Variants in ANO10 observed in about 807,000 individuals in gnomAD.
The protein encoded by ANO10 is anoctamin-10.
In ANO10, 77 loss-of-function variants were observed where a neutral mutation model predicts 74.7. That is an observed-to-expected ratio of 1.03 (90% CI 0.86 to 1.25). The LOEUF (loss-of-function observed/expected upper bound fraction) is 1.25, where lower values mean the gene tolerates loss of function less well. ANO10 is among the 50% of genes most tolerant of loss of function. The pLI, the probability that ANO10 is intolerant of heterozygous loss-of-function variation, is 0.00. For synonymous variants in ANO10, 279 were observed against 284.9 expected (o/e 0.98, Z 0.21); for missense variants, 721 against 778.1 (o/e 0.93, Z 0.87).
At chr3:43,488,718 G>A (rs2149109374) in intron 11 of ANO10, among the ~76,000 whole-genome samples, 1 of 151,954 alleles carries the variant, frequency 6.6e-6, no homozygotes, top group East Asian at 1.9e-4. Flanking sequence ...TTACACTGTT[G>A]GTGGGACTGT....
chr3:43,458,185 A>G (rs922355459), intron 11 of ANO10, among the ~76,000 whole-genome samples: 1 of 152,218 alleles, frequency 6.6e-6, no homozygotes, highest in Non-Finnish European at 1.5e-5. Context: ...AAAAATTATT[A>G]AAACCCTGAA....
intron 11 of ANO10, among the ~76,000 whole-genome samples, chr3:43,529,568 C>T (rs2078365399): frequency 6.6e-6 from 1 of 151,860 alleles, no homozygotes; most frequent in African/African-American, 2.4e-5. Context: ...TGGCAAGCAA[C>T]AAAAAGATTT....
At chr3:43,642,845 A>T (rs1276959297) in intron 1 of ANO10, among the ~76,000 whole-genome samples, 1 of 144,300 alleles carries the variant, frequency 6.9e-6, no homozygotes, top group Non-Finnish European at 1.5e-5. Context: ...ATTCACAGAC[A>T]TTTTTTTTTT....
At chr3:43,620,376 A>C (rs79496202) in intron 1 of ANO10, among the ~76,000 whole-genome samples, 1 of 152,228 alleles carries the variant, frequency 6.6e-6, no homozygotes, top group Admixed American at 6.5e-5. Flanking sequence ...TCATATACAC[A>C]AAAATACAAA....
At chr3:43,565,806 A>C in intron 7 of ANO10, 79 bp from the exon 8 acceptor site, 2 of 1,468,148 alleles carry the variant, frequency 1.4e-6, no homozygotes, top group Non-Finnish European at 1.9e-6. Context: ...TGCAGCATTT[A>C]AAAATGTAAT....
chr3:43,580,267 GC>G, intron 5 of ANO10, 85 bp downstream of exon 5: 1 of 1,570,416 alleles, frequency 6.4e-7, no homozygotes, highest in Non-Finnish European at 8.7e-7. Context: ...CTAAATATCT[GC>G]CCAAGGGAGC....
intron 11 of ANO10, among the ~76,000 whole-genome samples, chr3:43,442,500 T>C (rs180694757): frequency 4.8e-4 from 73 of 152,326 alleles, no homozygotes; most frequent in African/African-American, 1.7e-3. Flanking sequence ...GAAAAGCGTG[T>C]ACACTGAGAC....
intron 1 of ANO10, among the ~76,000 whole-genome samples, chr3:43,667,679 G>A (rs191365053): frequency 1.3e-5 from 2 of 152,224 alleles, no homozygotes; most frequent in Admixed American, 6.5e-5. Flanking sequence ...ACTTATAAAT[G>A]AGAACATATG....
chr3:43,464,055 C>T (rs570271646), intron 11 of ANO10, among the ~76,000 whole-genome samples: 17 of 152,286 alleles, frequency 1.1e-4, no homozygotes, highest in South Asian at 6.2e-4. Context: ...CCTCGCCTTC[C>T]GCCATGATCA....
At chr3:43,540,215 A>C (rs552542631) in intron 11 of ANO10, among the ~76,000 whole-genome samples, 1 of 152,216 alleles carries the variant, frequency 6.6e-6, no homozygotes, top group South Asian at 2.1e-4. Flanking sequence ...TTTAGCAAAC[A>C]TTTAAATGTA....
At chr3:43,422,685 A>G (rs1395617836) in intron 12 of ANO10, among the ~76,000 whole-genome samples, 1 of 152,134 alleles carries the variant, frequency 6.6e-6, no homozygotes, top group African/African-American at 2.4e-5. Flanking sequence ...TTCACAGCCT[A>G]TTCAGTAGTT....
chr3:43,592,143 C>A (rs1271742815), intron 4 of ANO10, among the ~76,000 whole-genome samples: 1 of 152,220 alleles, frequency 6.6e-6, no homozygotes, highest in Non-Finnish European at 1.5e-5. Flanking sequence ...AGGAGGCCTG[C>A]CAGCCTCTGT....
intron 11 of ANO10, among the ~76,000 whole-genome samples, chr3:43,502,731 C>G (rs963761275): frequency 6.6e-6 from 1 of 152,178 alleles, no homozygotes; most frequent in South Asian, 2.1e-4. Flanking sequence ...GCAGTATGTA[C>G]GTGCAATGGA....
intron 12 of ANO10, among the ~76,000 whole-genome samples, chr3:43,420,768 G>T (rs2092808105): frequency 6.6e-6 from 1 of 152,054 alleles, no homozygotes; most frequent in South Asian, 2.1e-4. Context: ...AAAGGGATGG[G>T]GCTTTGACCT....
chr3:43,552,236 T>C (rs984147858), intron 10 of ANO10, among the ~76,000 whole-genome samples: 2 of 152,166 alleles, frequency 1.3e-5, no homozygotes, highest in African/African-American at 4.8e-5. Flanking sequence ...TGTCTTGATA[T>C]AGGGAAAAGA....
At chr3:43,452,580 T>C (rs569840685) in intron 11 of ANO10, among the ~76,000 whole-genome samples, 104 of 152,368 alleles carry the variant, frequency 6.8e-4, no homozygotes, top group African/African-American at 1.3e-3. Flanking sequence ...CATTCATCAG[T>C]TGGTGGACAT....
At chr3:43,393,158 C>T (rs2092310986) in intron 12 of ANO10, among the ~76,000 whole-genome samples, 1 of 152,198 alleles carries the variant, frequency 6.6e-6, no homozygotes, top group Admixed American at 6.5e-5. Context: ...CTGAATTCTA[C>T]ACTCACATAA....
At chr3:43,547,151 T>C (rs1275752660) in intron 11 of ANO10, among the ~76,000 whole-genome samples, 1 of 152,182 alleles carries the variant, frequency 6.6e-6, no homozygotes, top group Non-Finnish European at 1.5e-5. Context: ...GTTTTTCATA[T>C]GCTGAAAGAA....
intron 1 of ANO10, among the ~76,000 whole-genome samples, chr3:43,656,029 T>C (rs2083845987): frequency 9.3e-6 from 1 of 107,568 alleles, no homozygotes; most frequent in Admixed American, 9.3e-5. Flanking sequence ...CCAGAGCAGC[T>C]AGATACAGTG....
Sources: allele counts gnomAD v4.1 joint callset (sites outside exome capture counted in the v4.1 genomes callset), GRCh38; gene constraint gnomAD v4.1.1; transcripts MANE v1.5; gene names NCBI Gene and HGNC (gene_info 2026-07-23, HGNC 2026-07-21).